The following C3 variants were observed in gnomAD, a reference collection of about 807,000 sequenced individuals.
The protein encoded by C3 is complement C3.
C3 carries 97 observed loss-of-function variants against 207.9 expected under a neutral mutation model. The observed-to-expected ratio is 0.47, with a 90% confidence interval of 0.40 to 0.55. The LOEUF is 0.55. Ranked by LOEUF, C3 falls within the 20% of genes least tolerant of loss-of-function variation. The pLI, the probability that C3 is intolerant of heterozygous loss-of-function variation, is 0.00. For synonymous variants in C3, 848 were observed against 857.6 expected (o/e 0.99, Z 0.20); for missense variants, 1,684 against 2,171.7 (o/e 0.78, Z 4.46).
At chr19:6,707,952 G>A (rs369882948) in intron 14 of C3, 23 bp from the exon 15 acceptor site, 64 of 1,612,412 alleles carry the variant, frequency 4.0e-5, no homozygotes, top group Middle Eastern at 1.6e-4. Context: ...TAGGGGTGGC[G>A]GGACGCAGGG....
rs768925309 is a variant in C3 at position 6,694,759 on chromosome 19, G to C, written c.2951-125C>G. 4.8e-6 allele frequency: 4 copies of C among 826,826 alleles called. No homozygotes were observed. The African/African-American group carries it at 6.8e-5, about 14-fold the overall frequency. 51.2% of individuals were successfully genotyped at this position (826,826 alleles called of 1,614,324 possible). ...GGGTTAGGGACAGGCGAGGACTGGG[G>C]AGGATGTGACTGCGGGGAGGGGAGG... On this transcript the variant is annotated intron_variant, in intron 23 of 40. Coordinates refer to ENST00000245907, the MANE Select transcript of C3 (RefSeq NM_000064.4).
intron 4 of C3, chr19:6,717,738 G>A: frequency 1.1e-5 from 4 of 354,230 alleles, no homozygotes; most frequent in South Asian, 9.1e-5. Flanking sequence ...TGTGTGTGTT[G>A]TGTGTTGTGT....
At chr19:6,698,314 G>A (rs901223684) in intron 19 of C3, among the ~76,000 whole-genome samples, 3 of 151,846 alleles carry the variant, frequency 2.0e-5, no homozygotes, top group Non-Finnish European at 2.9e-5. Context: ...GCGCCTGGCC[G>A]GAGTTACCAC....
At chr19:6,687,613 A>G (rs1918042306) in intron 27 of C3, among the ~76,000 whole-genome samples, 1 of 152,168 alleles carries the variant, frequency 6.6e-6, no homozygotes, top group South Asian at 2.1e-4. Flanking sequence ...CACTGATTTC[A>G]ACCTACCAAT....
chr19:6,693,209 C>G, intron 25 of C3, 126 bp from the exon 26 acceptor site: 2 of 1,220,142 alleles, frequency 1.6e-6, no homozygotes, highest in Non-Finnish European at 2.4e-6. Flanking sequence ...TTCCCAGGCC[C>G]CAGGACCCAG....
chr19:6,691,316 G>A (rs993995977), intron 26 of C3, among the ~76,000 whole-genome samples: 1 of 152,136 alleles, frequency 6.6e-6, no homozygotes, highest in Non-Finnish European at 1.5e-5. Flanking sequence ...GCCTCCCACA[G>A]TGCTGGGATT....
rs1917875479 is a variant in C3, at chr19:6,681,975, G to C, written c.4316C>G (p.Ser1439Cys). 1 of 1,614,096 alleles carries C rather than the reference G, an allele frequency of 6.2e-7. No homozygotes were observed. Among genetic ancestry groups the C allele is most frequent in the Non-Finnish European group, 8.5e-7 (1 of 1,179,964 alleles). The change falls in exon 35 of 41, where the codon TCC (serine) becomes TGC (cysteine). Residue 1439 changes from serine (S) to cysteine (C), a missense_variant. Ser to Cys is a moderately radical substitution (Grantham distance 112). Coordinates refer to ENST00000245907, the MANE Select transcript of C3 (RefSeq NM_000064.4). ...GTAGATGATGAGGGTGTTCCTATCG[G>C]AGAAGGCTTTGTCCAGCTCATACTT... Reference protein sequence around the residue: ...ISKYELDKAFSDRNTLIIYLD... With the variant: ...ISKYELDKAFCDRNTLIIYLD...
rs767740480 is a variant in C3 at position 6,712,337 on chromosome 19, C to T, written c.1189G>A (p.Val397Met). The T allele has an allele frequency of 6.2e-7, 1 of 1,614,122 alleles. No homozygotes were observed. The highest frequency in any genetic ancestry group is 1.1e-5 in the South Asian group (1 of 91,086). Reference protein sequence around the residue: ...VPVAVQGEDTVQSLTQGDGVA... With the variant: ...VPVAVQGEDTMQSLTQGDGVA... ...CCATCTCCCTGGGTTAGAGACTGCACAGTGTCCTCGCCCTGGACTGCCACG... is the reference window on the plus strand; with the variant it reads ...CCATCTCCCTGGGTTAGAGACTGCATAGTGTCCTCGCCCTGGACTGCCACG... The change falls in exon 11 of 41, where the codon GTG (valine) becomes ATG (methionine). Residue 397 changes from valine to methionine, a missense_variant. Val to Met is a conservative substitution (Grantham distance 21). Coordinates refer to ENST00000245907, the MANE Select transcript of C3 (RefSeq NM_000064.4).
At chr19:6,717,863 T>C (rs1968073695) in intron 4 of C3, 2 of 627,860 alleles carry the variant, frequency 3.2e-6, no homozygotes, top group Non-Finnish European at 5.8e-6. Context: ...GCATTGTGTG[T>C]GCACATGTGT....
At chr19:6,683,939 A>G (rs1917932484) in intron 33 of C3, among the ~76,000 whole-genome samples, 1 of 152,194 alleles carries the variant, frequency 6.6e-6, no homozygotes, top group African/African-American at 2.4e-5. Context: ...AGAAAGAATA[A>G]AAAATAAAAA....
chr19:6,712,507 C>T lies in C3; in HGVS notation c.1119+1G>A. 3.1e-6 allele frequency: 5 copies of T among 1,614,120 alleles called. No homozygotes were observed. The highest frequency in any genetic ancestry group is 4.2e-6 in the Non-Finnish European group (5 of 1,179,968). ...GGACCCCTTCCCGCCCCGGGTCTCA[C>T]CATGAGGTCAAAGGGCATTCCTGGT... On this transcript the variant is annotated splice_donor_variant, in intron 10 of 40. Transcript: ENST00000245907. LOFTEE classifies it high-confidence loss of function.
At chr19:6,679,953 A>C (rs1223161978) in intron 36 of C3, 1 of 576,966 alleles carries the variant, frequency 1.7e-6, no homozygotes, top group Non-Finnish European at 3.2e-6. Flanking sequence ...GCCTGCTTAG[A>C]CCATCATTCT....
At chr19:6,718,440 G>A (rs976293206) in intron 2 of C3, 28 bp from the exon 3 acceptor site, 2 of 1,613,926 alleles carry the variant, frequency 1.2e-6, no homozygotes, top group Non-Finnish European at 1.7e-6. Context: ...ATTGTCAGGG[G>A]TCTGTTCCAA....
chr19:6,700,817 T>G (rs1431851614), intron 19 of C3, among the ~76,000 whole-genome samples: 1 of 75,144 alleles, frequency 1.3e-5, no homozygotes, highest in Non-Finnish European at 2.5e-5. Flanking sequence ...ATTATAATTA[T>G]AAACATTACA....
chr19:6,715,610 T>G (rs1308333075), intron 4 of C3, among the ~76,000 whole-genome samples: 1 of 148,088 alleles, frequency 6.8e-6, no homozygotes, highest in Non-Finnish European at 1.5e-5. Flanking sequence ...AAAAATCTGT[T>G]TTTTTTTTGT....
At chr19:6,681,064 T>A in intron 35 of C3, among the ~76,000 whole-genome samples, 1 of 151,808 alleles carries the variant, frequency 6.6e-6, no homozygotes, top group East Asian at 1.9e-4. Context: ...GCTGGGTACT[T>A]ACACAGAATA....
chr19:6,709,698 G>A lies in C3; in HGVS notation c.1831C>T (p.Leu611=). ...CTGGCCCTTACCTTACTCTGCGTCA[G>A]TTTGTTCTTCTTATTCAGCACGAAC... ...GVFVLNKKNK[L]TQSKIWDVVE... is the part of the protein sequence containing the mutation. Residue 611 remains leucine (L), a synonymous_variant, in exon 14 of 41, where the codon CTG becomes TTG. Transcript: ENST00000245907. 1 of 1,612,728 alleles carries A rather than the reference G, an allele frequency of 6.2e-7. No homozygotes were observed. Among genetic ancestry groups the A allele is most frequent in the Non-Finnish European group, 8.5e-7 (1 of 1,179,776 alleles).
At chr19:6,690,790 C>A in intron 26 of C3, 63 bp from the exon 27 acceptor site, 1 of 1,285,760 alleles carries the variant, frequency 7.8e-7, no homozygotes, top group East Asian at 2.4e-5. Flanking sequence ...GCAGTCATCC[C>A]CCCTTGCAGA....
rs886054654 is a variant in C3 at position 6,702,164 on chromosome 19, C to T, written c.2403G>A (p.Thr801=). The change falls in exon 19 of 41, where the codon ACG becomes ACA. Residue 801 remains threonine (T), a synonymous_variant. Coordinates refer to ENST00000245907, the MANE Select transcript of C3 (RefSeq NM_000064.4). ...MNIFLKDSIT[T]WEILAVSMSD... is the part of the protein sequence containing the mutation. ...ACATGCTCACAGCCAGAATCTCCCA[C>T]GTGGTGATGGAGTCTTTCAAAAATA... 7 of 1,607,206 alleles carry T rather than the reference C, an allele frequency of 4.4e-6. No homozygotes were observed. Among genetic ancestry groups the T allele is most frequent in the Middle Eastern group, 1.6e-4 (1 of 6,066 alleles).
Sources: gnomAD v4.1 joint callset for allele counts (sites outside exome capture counted in the v4.1 genomes callset) on GRCh38, gnomAD v4.1.1 for gene constraint, MANE v1.5 for transcripts, NCBI Gene and HGNC (gene_info 2026-07-23, HGNC 2026-07-21) for gene names.